The following MAGI1 variants were observed in gnomAD, a reference collection of about 807,000 sequenced individuals.
MAGI1 encodes the protein membrane associated guanylate kinase, WW and PDZ domain containing 1.
Under a neutral mutation model 139.9 loss-of-function variants are expected in MAGI1, and 58 were observed. That is an observed-to-expected ratio of 0.41 (90% CI 0.34 to 0.52). The LOEUF is 0.52. Among genes scored for constraint, MAGI1 ranks in the 20% least tolerant of loss-of-function variants. The pLI is 0.12. For synonymous variants in MAGI1, 812 were observed against 737.9 expected (o/e 1.10, Z -1.63); for missense variants, 1,874 against 1,901.6 (o/e 0.99, Z 0.27).
At chr3:65,671,957 C>G (rs959976915) in intron 1 of MAGI1, among the ~76,000 whole-genome samples, 9 of 152,148 alleles carry the variant, frequency 5.9e-5, no homozygotes, top group African/African-American at 2.2e-4. Flanking sequence ...ACCATAGATA[C>G]AAAATTGGGC....
At chr3:65,432,771 G>C (rs1296471001) in intron 10 of MAGI1, among the ~76,000 whole-genome samples, 4 of 152,236 alleles carry the variant, frequency 2.6e-5, no homozygotes, top group Non-Finnish European at 5.9e-5. Context: ...GTTTACTTTA[G>C]GGGGAGGAGG....
At chr3:65,804,923 TACAAAAATTA>T (rs1445559342) in intron 1 of MAGI1, among the ~76,000 whole-genome samples, 1 of 152,118 alleles carries the variant, frequency 6.6e-6, no homozygotes, top group African/African-American at 2.4e-5. Flanking sequence ...TTACACCTTA[TACAAAAATTA>T]ACTCAAGATG....
intron 1 of MAGI1, among the ~76,000 whole-genome samples, chr3:65,773,574 G>A (rs576525354): frequency 6.6e-6 from 1 of 152,090 alleles, no homozygotes; most frequent in Non-Finnish European, 1.5e-5. Flanking sequence ...TCACTGGTAG[G>A]TAAACTCAGA....
intron 2 of MAGI1, chr3:65,619,916 C>G (rs2083575906): frequency 1.0e-6 from 1 of 985,072 alleles, no homozygotes; most frequent in South Asian, 4.7e-5. Context: ...GGTTTCACAG[C>G]CATAAAACAT....
chr3:65,576,938 A>C (rs1268378829), intron 2 of MAGI1, among the ~76,000 whole-genome samples: 1 of 152,220 alleles, frequency 6.6e-6, no homozygotes, highest in Admixed American at 6.5e-5. Flanking sequence ...CATTTTGTCT[A>C]GTTTATATAA....
At chr3:65,728,865 G>A (rs17073581) in intron 1 of MAGI1, among the ~76,000 whole-genome samples, 31,561 of 151,900 alleles carry the variant, frequency 0.21, 4,042 homozygotes, top group African/African-American at 0.35. Context: ...GAAGCCAATT[G>A]TTTTTTAAAA....
chr3:65,556,967 TG>T (rs1367846987), intron 2 of MAGI1, among the ~76,000 whole-genome samples: 1 of 152,198 alleles, frequency 6.6e-6, no homozygotes, highest in Non-Finnish European at 1.5e-5. Context: ...TCTGACCACC[TG>T]GGAAAGGCTC....
chr3:65,759,845 A>G (rs17073707), intron 1 of MAGI1, among the ~76,000 whole-genome samples: 2,347 of 152,194 alleles, frequency 0.015, 72 homozygotes, highest in African/African-American at 0.053. Flanking sequence ...AAGGGGGCCC[A>G]TTTTTATTTG....
In MAGI1 at chr3:65,400,750, ATTTTTTTTTTTT is replaced by A. The variant is rs767598706; in HGVS notation, c.2199+677_2199+688del. Among the ~76,000 whole-genome samples, 293 of 60,586 alleles carry A rather than the reference ATTTTTTTTTTTT, an allele frequency of 4.8e-3. 5 individuals are homozygous for A. The highest frequency in any genetic ancestry group is 0.012 in the Middle Eastern group (1 of 82). 39.7% of individuals were successfully genotyped at this position (60,586 alleles called of 152,430 possible). ...GATTGGAAAGGACAGCAAAACATTG[ATTTTTTTTTTTT>A]TTTTTTTTTTTTTTTTTTTTTTTTT... On this transcript the variant is annotated intron_variant, in intron 13 of 22. Transcript: ENST00000402939.
At chr3:65,826,711 A>T (rs1321023113) in intron 1 of MAGI1, among the ~76,000 whole-genome samples, 2 of 152,236 alleles carry the variant, frequency 1.3e-5, no homozygotes, top group Non-Finnish European at 2.9e-5. Flanking sequence ...GTATTGAGAC[A>T]TCAACGCTTT....
intron 1 of MAGI1, among the ~76,000 whole-genome samples, chr3:65,846,197 T>TA (rs1205821413): frequency 2.0e-5 from 3 of 152,184 alleles, no homozygotes; most frequent in Non-Finnish European, 2.9e-5. Context: ...AGGCAGTGGC[T>TA]ATGTGAAAGT....
intron 1 of MAGI1, among the ~76,000 whole-genome samples, chr3:65,768,065 C>T (rs1405058766): frequency 6.6e-6 from 1 of 152,134 alleles, no homozygotes; most frequent in African/African-American, 2.4e-5. Flanking sequence ...TGTTTTAACA[C>T]AACCAAAATA....
Position 65,381,891 on chromosome 3 carries a change from T to C in MAGI1, c.2687A>G (p.Lys896Arg). The C allele has an allele frequency of 1.2e-6, 2 of 1,612,124 alleles. No individual in the cohort carries two copies. The highest frequency in any genetic ancestry group is 1.7e-6 in the Non-Finnish European group (2 of 1,179,158). The change falls in exon 16 of 23, where the codon AAA becomes AGA. Residue 896 changes from lysine to arginine, a missense_variant. Lys to Arg is a conservative substitution (Grantham distance 26). This residue lies in a region of MAGI1 where 482 missense variants were observed against 509.6 expected (regional missense o/e 0.95). Transcript: ENST00000402939. The stretch of plus-strand genomic sequence containing the variant: ...GAAATACATACCCGCAAAAACCACT[T>C]TACGCCGCACCGTGAGATTGACGTG... ...QGHVNLTVRR[K>R]VVFAVPKTEN...
At chr3:65,984,179 A>C (rs2065747492) in intron 1 of MAGI1, among the ~76,000 whole-genome samples, 1 of 152,206 alleles carries the variant, frequency 6.6e-6, no homozygotes, top group Non-Finnish European at 1.5e-5. Flanking sequence ...CTGTAATCCC[A>C]GCTACTTGGG....
At chr3:65,612,967 T>C (rs948531019) in intron 2 of MAGI1, among the ~76,000 whole-genome samples, 2 of 152,152 alleles carry the variant, frequency 1.3e-5, no homozygotes, top group South Asian at 2.1e-4. Context: ...GACTGCCAAA[T>C]AGATATATTA....
chr3:65,411,815 C>T (rs1382495349), intron 12 of MAGI1, among the ~76,000 whole-genome samples: 2 of 152,050 alleles, frequency 1.3e-5, no homozygotes, highest in African/African-American at 4.8e-5. Context: ...GGACACCAAA[C>T]CCCTGAAACC....
At chr3:65,901,461 G>C (rs1401583733) in intron 1 of MAGI1, among the ~76,000 whole-genome samples, 1 of 152,200 alleles carries the variant, frequency 6.6e-6, no homozygotes, top group Non-Finnish European at 1.5e-5. Flanking sequence ...TTCTTGTACA[G>C]TCTTGTTTGA....
intron 1 of MAGI1, among the ~76,000 whole-genome samples, chr3:65,769,321 C>T (rs1480160757): frequency 6.6e-6 from 1 of 151,900 alleles, no homozygotes; most frequent in Non-Finnish European, 1.5e-5. Context: ...TTTGAACTTC[C>T]TACTGAAAGT....
At chr3:65,888,158 G>A (rs758649567) in intron 1 of MAGI1, among the ~76,000 whole-genome samples, 13 of 152,144 alleles carry the variant, frequency 8.5e-5, no homozygotes, top group Non-Finnish European at 1.8e-4. Flanking sequence ...TGGTAAGAAA[G>A]CTGCTACATA....
Sources: allele counts gnomAD v4.1 joint callset (sites outside exome capture counted in the v4.1 genomes callset), GRCh38; gene constraint gnomAD v4.1.1; regional missense constraint gnomAD v4.1.1; transcripts MANE v1.5; gene names NCBI Gene and HGNC (gene_info 2026-07-23, HGNC 2026-07-21).